Variants in FGGY observed in about 807,000 individuals in gnomAD.
The protein encoded by FGGY is FGGY carbohydrate kinase domain-containing protein.
In FGGY, 72 loss-of-function variants were observed where a neutral mutation model predicts 71.3. The ratio of observed to expected loss-of-function variants is 1.01; its 90% CI spans 0.84 to 1.23. FGGY has a LOEUF of 1.23. FGGY is among the 50% of genes most tolerant of loss of function. FGGY has a pLI of 0.00. For missense variants in FGGY, 668 were observed against 682.3 expected (o/e 0.98, Z 0.23); for synonymous variants, 251 against 250.3 (o/e 1.00, Z -0.02).
chr1:59,430,904 T>C (rs1456798634), intron 5 of FGGY, among the ~76,000 whole-genome samples: 2 of 152,208 alleles, frequency 1.3e-5, no homozygotes, highest in East Asian at 3.8e-4. Flanking sequence ...CACCCTAGGC[T>C]CAACTCATTT....
intron 15 of FGGY, among the ~76,000 whole-genome samples, chr1:59,760,944 A>G (rs1208027138): frequency 6.6e-6 from 1 of 152,242 alleles, no homozygotes; most frequent in Admixed American, 6.5e-5. Flanking sequence ...TCTACAACTA[A>G]TAAATTTGGA....
chr1:59,681,552 C>T (rs145393677), intron 14 of FGGY, among the ~76,000 whole-genome samples: 2 of 152,276 alleles, frequency 1.3e-5, no homozygotes, highest in East Asian at 1.9e-4. Context: ...CATAGAAAGA[C>T]GTGCCTGTAA....
At chr1:59,610,845 A>G (rs2096669314) in intron 9 of FGGY, among the ~76,000 whole-genome samples, 1 of 152,204 alleles carries the variant, frequency 6.6e-6, no homozygotes, top group African/African-American at 2.4e-5. Flanking sequence ...GTCTTAGCAA[A>G]CGGCACACCA....
chr1:59,627,454 TTATATATATATATATATATA>T (rs60500862), intron 10 of FGGY, among the ~76,000 whole-genome samples: 17 of 97,334 alleles, frequency 1.7e-4, no homozygotes, highest in Non-Finnish European at 2.6e-4. Context: ...ACTTATGATT[TTATATATATATATATATATA>T]TATATATATA....
intron 11 of FGGY, 152 bp downstream of exon 11, chr1:59,638,527 T>A: frequency 1.2e-6 from 1 of 844,316 alleles, no homozygotes; most frequent in Non-Finnish European, 1.8e-6. Flanking sequence ...TGCTGCTCCC[T>A]GGGATGAGCT....
chr1:59,685,083 G>A (rs1344640446), intron 14 of FGGY, among the ~76,000 whole-genome samples: 1 of 152,178 alleles, frequency 6.6e-6, no homozygotes, highest in African/African-American at 2.4e-5. Context: ...AACTCAAGTG[G>A]TCTGGCTCCA....
chr1:59,761,223 T>A (rs1295918889), intron 15 of FGGY, among the ~76,000 whole-genome samples: 1 of 152,152 alleles, frequency 6.6e-6, no homozygotes, highest in Non-Finnish European at 1.5e-5. Flanking sequence ...TAGGCCACAT[T>A]AAGATTCCAA....
intron 14 of FGGY, chr1:59,697,597 C>A: frequency 9.5e-7 from 1 of 1,055,312 alleles, no homozygotes; most frequent in Non-Finnish European, 1.3e-6. Flanking sequence ...TTATAACCAT[C>A]GTCGCTGTGA....
chr1:59,485,040 G>A (rs2093617555), intron 6 of FGGY, among the ~76,000 whole-genome samples: 1 of 152,140 alleles, frequency 6.6e-6, no homozygotes, highest in Non-Finnish European at 1.5e-5. Context: ...AGAGGAGGCA[G>A]GATTATAGAT....
chr1:59,688,978 G>A (rs1008132439), intron 14 of FGGY, among the ~76,000 whole-genome samples: 1 of 152,112 alleles, frequency 6.6e-6, no homozygotes, highest in East Asian at 1.9e-4. Flanking sequence ...TCGAACTCCT[G>A]ACCTCAGGTG....
intron 14 of FGGY, among the ~76,000 whole-genome samples, chr1:59,737,093 C>T (rs1448815838): frequency 1.3e-5 from 2 of 152,272 alleles, no homozygotes; most frequent in Non-Finnish European, 2.9e-5. Flanking sequence ...TGGCAGCTTC[C>T]ACATGATGTT....
intron 9 of FGGY, among the ~76,000 whole-genome samples, chr1:59,616,382 C>CA (rs1396454611): frequency 6.6e-6 from 1 of 152,022 alleles, no homozygotes; most frequent in South Asian, 2.1e-4. Context: ...ATCACAAGGA[C>CA]AAAAAACCAG....
At chr1:59,370,928 AC>A (rs1351701141) in intron 4 of FGGY, among the ~76,000 whole-genome samples, 1 of 152,204 alleles carries the variant, frequency 6.6e-6, no homozygotes, top group Non-Finnish European at 1.5e-5. Flanking sequence ...GAAAGGCACA[AC>A]TGGTACCAGC....
intron 1 of FGGY, among the ~76,000 whole-genome samples, chr1:59,298,711 C>A (rs1233126433): frequency 6.6e-6 from 1 of 152,192 alleles, no homozygotes; most frequent in Non-Finnish European, 1.5e-5. Context: ...TGCCCTTAAT[C>A]TCCTAGCCAG....
At chr1:59,700,910 C>T (rs1055869755) in intron 14 of FGGY, among the ~76,000 whole-genome samples, 10 of 151,918 alleles carry the variant, frequency 6.6e-5, no homozygotes, top group Non-Finnish European at 1.3e-4. Flanking sequence ...GTGCAAAGGC[C>T]CTGGAGTGGG....
At chr1:59,380,190 T>C (rs1175814773) in intron 5 of FGGY, among the ~76,000 whole-genome samples, 1 of 151,620 alleles carries the variant, frequency 6.6e-6, no homozygotes, top group East Asian at 1.9e-4. Flanking sequence ...TAATCCAGTC[T>C]ATCATTCATG....
chr1:59,758,063 T>G (rs781509621), intron 15 of FGGY, 71 bp downstream of exon 15: 206 of 1,104,994 alleles, frequency 1.9e-4, no homozygotes, highest in Non-Finnish European at 2.3e-4. Context: ...CAACTATAGA[T>G]CTGGAATAAA....
intron 8 of FGGY, among the ~76,000 whole-genome samples, chr1:59,574,967 AATTT>A (rs1433769928): frequency 7.9e-5 from 12 of 152,082 alleles, no homozygotes; most frequent in African/African-American, 2.9e-4. Context: ...AGTGTATGTT[AATTT>A]ATTTTTATCG....
In FGGY at chr1:59,674,058, G is replaced by A. The variant is rs367896177; in HGVS notation, c.1437G>A (p.Ser479=). 1.9e-6 allele frequency: 3 copies of A among 1,613,840 alleles called. No individual in the cohort carries two copies. Among genetic ancestry groups the A allele is most frequent in the South Asian group, 1.1e-5 (1 of 91,002 alleles). ...ADITGMPVVL[S]QEVESVLVGA... Reference sequence around the variant, plus strand: ...GCGCAGGCATGCCTGTGGTCCTGTCGCAAGAGGTGGAGTCCGTTCTTGTGG... The same window carrying A: ...GCGCAGGCATGCCTGTGGTCCTGTCACAAGAGGTGGAGTCCGTTCTTGTGG... Residue 479 remains serine, a synonymous_variant, in exon 14 of 16, where the codon TCG becomes TCA. Transcript: ENST00000303721.
Sources: allele counts gnomAD v4.1 joint callset (sites outside exome capture counted in the v4.1 genomes callset), GRCh38; gene constraint gnomAD v4.1.1; transcripts MANE v1.5; gene names NCBI Gene and HGNC (gene_info 2026-07-23, HGNC 2026-07-21).